MAGI3: variants seen among roughly 807,000 people sequenced by gnomAD.
MAGI3 encodes membrane associated guanylate kinase, WW and PDZ domain containing 3.
A neutral mutation model predicts 121.8 loss-of-function variants in MAGI3; 43 were observed. The ratio of observed to expected loss-of-function variants is 0.35; its 90% CI spans 0.28 to 0.46. The LOEUF (loss-of-function observed/expected upper bound fraction) is 0.46. MAGI3 is among the 20% of genes least tolerant of loss of function. The probability of loss-of-function intolerance (pLI) is 1.00; values close to 1 mark genes in which losing one functional copy is unlikely to be tolerated. For synonymous variants in MAGI3, 553 were observed against 639.3 expected (o/e 0.86, Z 2.04); for missense variants, 1,547 against 1,797.3 (o/e 0.86, Z 2.52).
intron 1 of MAGI3, among the ~76,000 whole-genome samples, chr1:113,458,986 A>G (rs1654902260): frequency 6.6e-6 from 1 of 152,246 alleles, no homozygotes; most frequent in Non-Finnish European, 1.5e-5. Flanking sequence ...TTGAAGACAC[A>G]TACATATTCA....
At chr1:113,630,457 G>C (rs915655916) in intron 9 of MAGI3, among the ~76,000 whole-genome samples, 2 of 151,998 alleles carry the variant, frequency 1.3e-5, no homozygotes, top group Non-Finnish European at 2.9e-5. Flanking sequence ...CCCTACTGTG[G>C]CTGAGCTGGT....
In MAGI3 at chr1:113,422,619, C is replaced by T. The variant is rs999394973; in HGVS notation, c.316+31270C>T. Among the ~76,000 whole-genome samples the T allele has an allele frequency of 6.6e-5, 10 of 152,344 alleles. No homozygotes were observed. The highest frequency in any genetic ancestry group is 1.9e-4 in the East Asian group (1 of 5,186). Reference sequence around the variant, plus strand: ...CCGGCGCTGGCACAGGCGCCTGCTCCGTGCAAGGGTGCATCTATACCAGAC... The same window carrying T: ...CCGGCGCTGGCACAGGCGCCTGCTCTGTGCAAGGGTGCATCTATACCAGAC... On this transcript the variant is annotated intron_variant, in intron 1 of 20. Transcript: ENST00000307546. This position sits in a 1 kb window ranked among gnomAD's most constrained non-coding sequence, Gnocchi z 4.3.
Position 113,629,763 on chromosome 1 carries a change from C to CTCTCTCTCTCCCT in MAGI3, c.1360+6769_1360+6770insTCTCTCTCTCCCT, listed in dbSNP as rs143631602. ...CTCTCTCTCTCTCTCTCTCTCTCTC[C>CTCTCTCTCTCCCT]CTCCCTCCCTCCCTCCCTCCCTCAC... is the stretch of plus-strand genomic sequence containing the variant. On this transcript the variant is annotated intron_variant, in intron 9 of 20. Coordinates refer to ENST00000307546, the MANE Select transcript of MAGI3 (RefSeq NM_001142782.2). Among the ~76,000 whole-genome samples the CTCTCTCTCTCCCT allele has an allele frequency of 2.1e-3, 94 of 45,184 alleles. 1 individual carries two copies. The highest frequency in any genetic ancestry group is 0.014 in the Middle Eastern group (1 of 74). The allele number at this position is 45,184 out of a possible 152,430, so 29.6% of individuals were successfully genotyped here. A position where few individuals can be genotyped will look rare whatever the true frequency, so the allele number is the denominator to read the frequency against.
chr1:113,442,197 T>C (rs1273023022), intron 1 of MAGI3, among the ~76,000 whole-genome samples: 4 of 152,130 alleles, frequency 2.6e-5, no homozygotes, highest in Admixed American at 2.6e-4. Flanking sequence ...AGAGCATATA[T>C]ATACTTTACT....
At chr1:113,547,119 A>T (rs1466527629) in intron 1 of MAGI3, among the ~76,000 whole-genome samples, 1 of 151,348 alleles carries the variant, frequency 6.6e-6, no homozygotes, top group African/African-American at 2.4e-5. Flanking sequence ...AGTTGTTTCA[A>T]TTATTTTGCC....
intron 15 of MAGI3, among the ~76,000 whole-genome samples, chr1:113,656,717 A>C (rs1178340598): frequency 6.6e-6 from 1 of 152,238 alleles, no homozygotes; most frequent in South Asian, 2.1e-4. Flanking sequence ...GTGCCCAGCC[A>C]GATCATTCTT....
At chr1:113,395,289 A>G (rs982835161) in intron 1 of MAGI3, among the ~76,000 whole-genome samples, 3 of 151,656 alleles carry the variant, frequency 2.0e-5, no homozygotes, top group African/African-American at 4.8e-5. Flanking sequence ...TTTAGAAACA[A>G]TAGAAAAAGA....
At chr1:113,640,870 C>G (rs188502804) in intron 9 of MAGI3, among the ~76,000 whole-genome samples, 1 of 146,242 alleles carries the variant, frequency 6.8e-6, no homozygotes, top group African/African-American at 2.5e-5. Context: ...TCTGCACTTG[C>G]ATCCTGGAAC....
At chr1:113,562,007 C>T (rs1660256843) in intron 2 of MAGI3, among the ~76,000 whole-genome samples, 1 of 152,054 alleles carries the variant, frequency 6.6e-6, no homozygotes, top group Non-Finnish European at 1.5e-5. Flanking sequence ...AATGAACTCC[C>T]ATTCACAATT....
In MAGI3 at chr1:113,683,230, C is replaced by G. The variant is rs770451764; in HGVS notation, c.3662C>G (p.Ser1221Trp). 5.0e-6 allele frequency: 8 copies of G among 1,613,462 alleles called. No homozygotes were observed. The Admixed American group carries it at 1.2e-4, about 24-fold the overall frequency. Residue 1221 changes from serine (S) to tryptophan (W), a missense_variant, in exon 21 of 21, where the codon TCG becomes TGG. Ser to Trp is a radical substitution (Grantham distance 177). Coordinates refer to ENST00000307546, the MANE Select transcript of MAGI3 (RefSeq NM_001142782.2). ...AATGGTGTTACACGAAGAGGTAGAT[C>G]GGTTAGTCCCAAAAAGCCAGCCAGT... ...VENGVTRRGRSVSPKKPASQH... is the reference protein window; with the variant it reads ...VENGVTRRGRWVSPKKPASQH...
At chr1:113,549,185 T>C (rs767728945) in intron 1 of MAGI3, among the ~76,000 whole-genome samples, 3 of 152,238 alleles carry the variant, frequency 2.0e-5, no homozygotes, top group Non-Finnish European at 4.4e-5. Context: ...ATACATGATA[T>C]GAATGTGGAA....
intron 1 of MAGI3, among the ~76,000 whole-genome samples, chr1:113,477,726 A>G (rs1267612776): frequency 6.6e-6 from 1 of 152,002 alleles, no homozygotes; most frequent in Admixed American, 6.6e-5. Flanking sequence ...CTTCTTGAGG[A>G]GTATCTTTGT....
intron 1 of MAGI3, among the ~76,000 whole-genome samples, chr1:113,441,649 T>C (rs1002714816): frequency 6.6e-6 from 1 of 152,128 alleles, no homozygotes; most frequent in Non-Finnish European, 1.5e-5. Context: ...GAATGACCTA[T>C]GTTTGGGTTT....
Position 113,642,152 on chromosome 1 carries a change from A to G in MAGI3, c.1602A>G (p.Gly534=). Reference sequence around the variant, plus strand: ...TGAATCCTCAGGATTTTAAGCCAGGAGCAATGGTTCTGGAGCAGAATGGAA... The same window carrying G: ...TGAATCCTCAGGATTTTAAGCCAGGGGCAATGGTTCTGGAGCAGAATGGAA... ...TCMNPQDFKP[G]AMVLEQNGKS... The change falls in exon 10 of 21, where the codon GGA becomes GGG. Residue 534 remains glycine, a synonymous_variant. Coordinates refer to ENST00000307546, the MANE Select transcript of MAGI3 (RefSeq NM_001142782.2). 1 of 1,614,162 alleles carries G rather than the reference A, an allele frequency of 6.2e-7. No individual in the cohort carries two copies. Among genetic ancestry groups the G allele is most frequent in the Non-Finnish European group, 8.5e-7 (1 of 1,180,012 alleles).
intron 6 of MAGI3, among the ~76,000 whole-genome samples, chr1:113,599,540 G>A (rs1381928423): frequency 4.6e-5 from 7 of 151,864 alleles, no homozygotes; most frequent in Non-Finnish European, 8.8e-5. Flanking sequence ...GAATCTCTGA[G>A]TAGACCAATA....
In MAGI3 at chr1:113,422,195, T is replaced by C. The variant is rs1413377653; in HGVS notation, c.316+30846T>C. On this transcript the variant is annotated intron_variant, in intron 1 of 20. Coordinates refer to ENST00000307546, the MANE Select transcript of MAGI3 (RefSeq NM_001142782.2). This position sits in a 1 kb window ranked among gnomAD's most constrained non-coding sequence, Gnocchi z 4.3. ...GATCTTGTATACCTTTCCCTTAGTTTGCACCAATGGTAACATTCTTACAAA... is the reference window on the plus strand; with the variant it reads ...GATCTTGTATACCTTTCCCTTAGTTCGCACCAATGGTAACATTCTTACAAA... Among the ~76,000 whole-genome samples, 30 of 152,240 alleles carry C rather than the reference T, an allele frequency of 2.0e-4. No homozygotes were observed. The highest frequency in any genetic ancestry group is 2.0e-3 in the Admixed American group (30 of 15,284).
chr1:113,671,610 A>C (rs1647554480), intron 16 of MAGI3, 124 bp from the exon 17 acceptor site: 8 of 798,134 alleles, frequency 1.0e-5, no homozygotes, highest in Non-Finnish European at 1.6e-5. Flanking sequence ...AGTGCTGTTC[A>C]TGCTAAAGCC....
intron 16 of MAGI3, among the ~76,000 whole-genome samples, chr1:113,668,740 G>T (rs924273066): frequency 1.3e-5 from 2 of 151,026 alleles, no homozygotes; most frequent in South Asian, 4.2e-4. Context: ...CCGCCACCGC[G>T]CCCGGCTAAT....
intron 1 of MAGI3, among the ~76,000 whole-genome samples, chr1:113,416,138 A>AATTATGTAATTAATGACACATATT (rs780673371): frequency 0.22 from 11,638 of 54,094 alleles, 2,857 homozygotes; most frequent in African/African-American, 0.5. Flanking sequence ...GACACATATT[A>AATTATGTAATTAATGACACATATT]ATTATGTAAT....
Sources: allele counts gnomAD v4.1 joint callset (sites outside exome capture counted in the v4.1 genomes callset), GRCh38; gene constraint gnomAD v4.1.1; non-coding constraint Gnocchi (gnomAD v3.1); transcripts MANE v1.5; gene names NCBI Gene and HGNC (gene_info 2026-07-23, HGNC 2026-07-21).